The following DLG2 variants were observed in gnomAD, a reference collection of about 807,000 sequenced individuals.
DLG2 encodes the protein discs large MAGUK scaffold protein 2.
DLG2 carries 45 observed loss-of-function variants against 132.5 expected under a neutral mutation model. The ratio of observed to expected loss-of-function variants is 0.34; its 90% CI spans 0.27 to 0.44. DLG2 has a LOEUF of 0.44. Among genes scored for constraint, DLG2 ranks in the 20% least tolerant of loss-of-function variants. The pLI is 1.00. For missense variants in DLG2, 1,045 were observed against 1,196.9 expected, an observed-to-expected ratio of 0.87 and a Z score of 1.87; for synonymous variants, 424 against 419.6, an observed-to-expected ratio of 1.01 and a Z score of -0.13.
chr11:85,050,476 C>T (rs547567754), intron 6 of DLG2, among the ~76,000 whole-genome samples: 5 of 152,106 alleles, frequency 3.3e-5, no homozygotes, highest in African/African-American at 7.2e-5. Context: ...GTTTCACTAC[C>T]GTAAATGCAG....
chr11:84,665,194 A>G (rs1193452303), intron 6 of DLG2, among the ~76,000 whole-genome samples: 1 of 152,156 alleles, frequency 6.6e-6, no homozygotes, highest in Non-Finnish European at 1.5e-5. Context: ...GTTTGTTATC[A>G]CAGCTGACCA....
At chr11:85,072,281 C>T (rs1376009765) in intron 6 of DLG2, among the ~76,000 whole-genome samples, 2 of 151,830 alleles carry the variant, frequency 1.3e-5, no homozygotes, top group African/African-American at 2.4e-5. Flanking sequence ...ATCACCACCA[C>T]TTCAATTCTT....
In DLG2 at chr11:83,892,121, C is replaced by T. The variant is rs183898200; in HGVS notation, c.1497-17633G>A. 3.1e-3 allele frequency among the ~76,000 whole-genome samples: 476 copies of T among 152,242 alleles called. 1 individual carries two copies. The highest frequency in any genetic ancestry group is 5.4e-3 in the Non-Finnish European group (370 of 68,004). ...TCGCCTCTTTCTCTGGTATTCTTTT[C>T]GGTTGAATATGTTCCAAGTAGTCAT... On this transcript the variant is annotated intron_variant, in intron 15 of 27. Coordinates refer to ENST00000376104, the MANE Select transcript of DLG2 (RefSeq NM_001142699.3).
chr11:84,606,370 TAAAC>T (rs2099585701), intron 6 of DLG2, among the ~76,000 whole-genome samples: 1 of 152,156 alleles, frequency 6.6e-6, no homozygotes, highest in Admixed American at 6.6e-5. Flanking sequence ...TTATGCAAAA[TAAAC>T]AACACACACA....
chr11:83,480,423 C>T (rs1472479013), intron 22 of DLG2: 2 of 1,535,188 alleles, frequency 1.3e-6, no homozygotes, highest in Admixed American at 2.0e-5. Context: ...TCTGCAAGAA[C>T]AGCACAGCAA....
intron 18 of DLG2, among the ~76,000 whole-genome samples, chr11:83,718,648 G>A (rs759234009): frequency 1.3e-5 from 2 of 151,776 alleles, no homozygotes; most frequent in Non-Finnish European, 2.9e-5. Flanking sequence ...TCTTATTTTA[G>A]CGAGGTAAGT....
intron 21 of DLG2, among the ~76,000 whole-genome samples, chr11:83,517,726 T>C (rs889246966): frequency 6.6e-6 from 1 of 152,204 alleles, no homozygotes; most frequent in African/African-American, 2.4e-5. Flanking sequence ...TGTTTGTTAG[T>C]TTTCCTTCTA....
intron 11 of DLG2, among the ~76,000 whole-genome samples, chr11:84,018,115 AT>A (rs2095272825): frequency 6.6e-6 from 1 of 151,202 alleles, no homozygotes; most frequent in Non-Finnish European, 1.5e-5. Flanking sequence ...ATTTTAGCTA[AT>A]TTTTTTTCTT....
At chr11:83,495,635 T>C (rs956484083) in intron 21 of DLG2, among the ~76,000 whole-genome samples, 4 of 152,158 alleles carry the variant, frequency 2.6e-5, no homozygotes, top group Admixed American at 2.0e-4. Context: ...TTTATTAACA[T>C]AGTTATAATA....
At chr11:83,763,423 A>AGAT (rs2094000308) in intron 18 of DLG2, among the ~76,000 whole-genome samples, 1 of 152,204 alleles carries the variant, frequency 6.6e-6, no homozygotes, top group African/African-American at 2.4e-5. Context: ...GTGTGAATCA[A>AGAT]GATTGTTTCT....
At chr11:84,585,665 T>G (rs1379778143) in intron 6 of DLG2, among the ~76,000 whole-genome samples, 1 of 152,246 alleles carries the variant, frequency 6.6e-6, no homozygotes, top group Admixed American at 6.5e-5. Context: ...AAGTCTTCTT[T>G]GGTAAATTTC....
chr11:83,614,502 T>C (rs2060526015), intron 19 of DLG2, among the ~76,000 whole-genome samples: 1 of 152,086 alleles, frequency 6.6e-6, no homozygotes. Context: ...GTGGATTGCT[T>C]GCACCCAGGA....
chr11:83,905,589 G>A (rs572401682), intron 15 of DLG2, among the ~76,000 whole-genome samples: 1 of 152,302 alleles, frequency 6.6e-6, no homozygotes, highest in East Asian at 1.9e-4. Context: ...ATGATAAGAA[G>A]TGTAGTGAAT....
At chr11:84,050,369 GT>G (rs1379612323) in intron 11 of DLG2, among the ~76,000 whole-genome samples, 1 of 151,778 alleles carries the variant, frequency 6.6e-6, no homozygotes, top group African/African-American at 2.4e-5. Flanking sequence ...TGATGGGGTT[GT>G]TTTTTTCTTG....
intron 9 of DLG2, among the ~76,000 whole-genome samples, chr11:84,123,396 CT>C (rs1279573294): frequency 6.6e-6 from 1 of 152,212 alleles, no homozygotes; most frequent in Non-Finnish European, 1.5e-5. Context: ...AAAGCCAAGT[CT>C]ATGCTGTGCT....
chr11:84,808,642 C>T (rs1416502186), intron 6 of DLG2, among the ~76,000 whole-genome samples: 1 of 151,910 alleles, frequency 6.6e-6, no homozygotes, highest in East Asian at 1.9e-4. Flanking sequence ...ACCCTGGAGA[C>T]ATCCAGAGGA....
intron 9 of DLG2, among the ~76,000 whole-genome samples, chr11:84,162,857 C>T (rs1042404154): frequency 1.3e-5 from 2 of 151,930 alleles, no homozygotes; most frequent in South Asian, 2.1e-4. Context: ...CCTGTTAATG[C>T]TTTTTGGTCA....
chr11:84,292,063 T>G (rs984767964), intron 7 of DLG2, among the ~76,000 whole-genome samples: 3 of 152,098 alleles, frequency 2.0e-5, no homozygotes, highest in Admixed American at 2.0e-4. Context: ...GGAATGACTA[T>G]AGAGTGTGAT....
rs570677125 is a variant in DLG2, at chr11:85,191,153, C to T, written c.187-36502G>A. Among the ~76,000 whole-genome samples the T allele has an allele frequency of 3.8e-3, 483 of 128,628 alleles. 1 individual carries two copies. The highest frequency in any genetic ancestry group is 0.014 in the African/African-American group (461 of 32,864). 84.4% of individuals were successfully genotyped at this position (128,628 alleles called of 152,430 possible). ...ATTTGTCTATATGCATGCGCGCGCG[C>T]GCACGCGCGCACACACACACACACA... is the stretch of plus-strand genomic sequence containing the variant. On this transcript the variant is annotated intron_variant, in intron 4 of 27. Transcript: ENST00000376104.
Sources: allele counts gnomAD v4.1 joint callset (sites outside exome capture counted in the v4.1 genomes callset), GRCh38; gene constraint gnomAD v4.1.1; transcripts MANE v1.5; gene names NCBI Gene and HGNC (gene_info 2026-07-23, HGNC 2026-07-21).